The following BRF1 variants were observed in gnomAD, a reference collection of about 807,000 sequenced individuals.
BRF1 encodes BRF1 general transcription factor IIIB subunit.
BRF1 carries 59 observed loss-of-function variants against 81.7 expected under a neutral mutation model. The observed-to-expected ratio is 0.72, with a 90% CI of 0.59 to 0.90. The LOEUF (loss-of-function observed/expected upper bound fraction) is 0.90. Ranked by LOEUF, BRF1 falls within the 40% of genes least tolerant of loss-of-function variation. The pLI, the probability that BRF1 is intolerant of heterozygous loss-of-function variation, is 0.00. For missense variants in BRF1, 1,050 were observed against 936.3 expected (o/e 1.12, Z -1.58); for synonymous variants, 491 against 395.6 (o/e 1.24, Z -2.86).
chr14:105,272,891 C>G lies in BRF1; in HGVS notation c.269G>C (p.Arg90Thr). The G allele has an allele frequency of 6.2e-7, 1 of 1,605,050 alleles. No individual in the cohort carries two copies. The highest frequency in any genetic ancestry group is 8.5e-7 in the Non-Finnish European group (1 of 1,173,150). Residue 90 changes from arginine to threonine, a missense_variant, in exon 3 of 18, where the codon AGG (arginine) becomes ACG (threonine). This residue lies in a region of BRF1 where 1,043 missense variants were observed against 915.4 expected (regional missense o/e 1.14). Coordinates refer to ENST00000547530, the MANE Select transcript of BRF1 (RefSeq NM_001519.4). Reference sequence around the variant, plus strand: ...GTTCCCCAGGTGGTGGATGTGGCGCCTCCCTAGGACACAGCACGAGGCAGC... The same window carrying G: ...GTTCCCCAGGTGGTGGATGTGGCGCGTCCCTAGGACACAGCACGAGGCAGC... ...ESRAQTLQNG[R>T]RHIHHLGNQL...
intron 3 of BRF1, among the ~76,000 whole-genome samples, chr14:105,267,188 A>G (rs2056453937): frequency 6.6e-6 from 1 of 152,278 alleles, no homozygotes; most frequent in South Asian, 2.1e-4. Context: ...GTCAACATAC[A>G]AAACTCAGCT....
intron 6 of BRF1, among the ~76,000 whole-genome samples, 168 bp from the exon 7 acceptor site, chr14:105,229,081 A>G (rs75800078): frequency 0.012 from 1,850 of 152,296 alleles, 34 homozygotes; most frequent in African/African-American, 0.042. Flanking sequence ...CCTGAACGAC[A>G]TGACCCTCTC....
intron 15 of BRF1, chr14:105,212,401 C>A (rs587706907): frequency 3.8e-6 from 2 of 520,102 alleles, no homozygotes; most frequent in East Asian, 6.8e-5. Flanking sequence ...AACACAGAAG[C>A]TGCAGACGCC....
At chr14:105,224,551 G>C (rs983316667) in intron 10 of BRF1, among the ~76,000 whole-genome samples, 2 of 152,208 alleles carry the variant, frequency 1.3e-5, no homozygotes, top group Non-Finnish European at 2.9e-5. Context: ...TCTGGATTTT[G>C]TGTGTGTGTA....
intron 4 of BRF1, among the ~76,000 whole-genome samples, chr14:105,255,989 G>A (rs2055846315): frequency 6.6e-6 from 1 of 152,028 alleles, no homozygotes; most frequent in African/African-American, 2.4e-5. Flanking sequence ...GCCGAGCATG[G>A]TGGTGGGCAC....
chr14:105,212,295 T>C (rs1595230334), intron 15 of BRF1, 131 bp from the exon 16 acceptor site: 4 of 1,233,946 alleles, frequency 3.2e-6, no homozygotes, highest in South Asian at 1.5e-5. Flanking sequence ...AGCCTGGTTC[T>C]GCGTCCAGGT....
At chr14:105,305,858 G>C (rs1296513368), upstream of BRF1, among the ~76,000 whole-genome samples, 1 of 152,266 alleles carries the variant, frequency 6.6e-6, no homozygotes, top group African/African-American at 2.4e-5. Flanking sequence ...TGTGCCCAGG[G>C]TCCTCTGTAC....
chr14:105,308,624 A>C (rs2058261016), intron 1 of BRF1, among the ~76,000 whole-genome samples: 1 of 151,512 alleles, frequency 6.6e-6, no homozygotes, highest in Non-Finnish European at 1.5e-5. Flanking sequence ...CTGGGATTAC[A>C]GGTATGAGCC....
upstream of BRF1, among the ~76,000 whole-genome samples, chr14:105,302,103 C>T (rs2058052077): frequency 2.0e-5 from 3 of 151,324 alleles, no homozygotes; most frequent in Admixed American, 2.0e-4. Flanking sequence ...CCCGCCATTG[C>T]ACTCCAGCCT....
At position 105,210,142 on chromosome 14, in the gene BRF1, GA is replaced by G. The variant is rs1453631020; in HGVS notation, c.*408del. The G allele has an allele frequency of 8.1e-6, 2 of 247,218 alleles. No individual in the cohort carries two copies. Among genetic ancestry groups the G allele is most frequent in the African/African-American group, 4.6e-5 (2 of 43,940 alleles). 15.3% of individuals were successfully genotyped at this position (247,218 alleles called of 1,614,324 possible). A position where few individuals can be genotyped will look rare whatever the true frequency, so the allele number is the denominator to read the frequency against. On this transcript the variant is annotated 3_prime_UTR_variant, in exon 18 of 18. Coordinates refer to ENST00000547530, the MANE Select transcript of BRF1 (RefSeq NM_001519.4). This position sits in a 1 kb window ranked among gnomAD's most constrained non-coding sequence, Gnocchi z 4.7. ...AGGGGACGGTGCGGAGGGTGGGCTG[GA>G]GACTCCAGAGCTGGTCCTGAGTCAC...
chr14:105,274,038 T>C (rs183337352), intron 2 of BRF1, among the ~76,000 whole-genome samples: 37 of 152,326 alleles, frequency 2.4e-4, no homozygotes, highest in African/African-American at 7.5e-4. Context: ...AATTCTGAGA[T>C]AGGAGAAAAA....
chr14:105,265,315 G>A (rs2056361841), intron 3 of BRF1, among the ~76,000 whole-genome samples: 1 of 152,002 alleles, frequency 6.6e-6, no homozygotes, highest in Admixed American at 6.5e-5. Context: ...AAAGCGCTGG[G>A]ATTACACCCA....
At chr14:105,286,500 G>A (rs2057321496) in intron 1 of BRF1, 124 bp from the exon 2 acceptor site, 2 of 987,764 alleles carry the variant, frequency 2.0e-6, no homozygotes, top group Non-Finnish European at 3.1e-6. Context: ...GGAAGCAGCA[G>A]GTCGGCCCCC....
chr14:105,215,057 G>A (rs181287557), intron 15 of BRF1, among the ~76,000 whole-genome samples: 25 of 152,306 alleles, frequency 1.6e-4, no homozygotes, highest in Admixed American at 7.2e-4. Context: ...TCATGCTTCC[G>A]TCTTAGAACA....
At chr14:105,211,479 C>A in intron 16 of BRF1, 186 bp from the exon 17 acceptor site, 1 of 584,136 alleles carries the variant, frequency 1.7e-6, no homozygotes, top group Non-Finnish European at 3.0e-6. Flanking sequence ...GTGCCATGAG[C>A]TGTGTCAGCA....
At chr14:105,229,419 G>T (rs587680427) in intron 6 of BRF1, among the ~76,000 whole-genome samples, 1 of 152,234 alleles carries the variant, frequency 6.6e-6, no homozygotes, top group Non-Finnish European at 1.5e-5. Context: ...AGGGATGCCG[G>T]TACCTGGCCT....
At chr14:105,299,333 G>A (rs2057885619) in intron 1 of BRF1, among the ~76,000 whole-genome samples, 1 of 152,118 alleles carries the variant, frequency 6.6e-6, no homozygotes, top group African/African-American at 2.4e-5. Context: ...CAATTCGGGA[G>A]GCCAAGGCTG....
chr14:105,259,639 G>A (rs1399840111), intron 3 of BRF1, among the ~76,000 whole-genome samples: 4 of 152,180 alleles, frequency 2.6e-5, no homozygotes, highest in Non-Finnish European at 4.4e-5. Context: ...CACCGGACAC[G>A]GGGCTCACGC....
intron 11 of BRF1, 77 bp from the exon 12 acceptor site, chr14:105,220,207 C>T (rs1461988643): frequency 1.3e-6 from 2 of 1,572,490 alleles, no homozygotes; most frequent in African/African-American, 1.3e-5. Flanking sequence ...TGGGCTGGCT[C>T]AGGACCCTGG....
Sources: allele counts gnomAD v4.1 joint callset (sites outside exome capture counted in the v4.1 genomes callset), GRCh38; gene constraint gnomAD v4.1.1; regional missense constraint gnomAD v4.1.1; non-coding constraint Gnocchi (gnomAD v3.1); transcripts MANE v1.5; gene names NCBI Gene and HGNC (gene_info 2026-07-23, HGNC 2026-07-21).